DPP6: variants seen among roughly 807,000 people sequenced by gnomAD.
DPP6 encodes the protein dipeptidyl peptidase like 6.
A neutral mutation model predicts 122.6 loss-of-function variants in DPP6; 69 were observed. The ratio of observed to expected loss-of-function variants is 0.56; its 90% CI spans 0.46 to 0.69. DPP6 has a LOEUF of 0.69. Among genes scored for constraint, DPP6 ranks in the 30% least tolerant of loss-of-function variants. The pLI is 0.00. For missense variants in DPP6, 928 were observed against 1,116.9 expected (o/e 0.83, Z 2.41); for synonymous variants, 418 against 433.1 (o/e 0.97, Z 0.43).
At chr7:154,308,159 C>G (rs566811733) in intron 1 of DPP6, among the ~76,000 whole-genome samples, 2 of 151,858 alleles carry the variant, frequency 1.3e-5, no homozygotes, top group Admixed American at 6.6e-5. Flanking sequence ...AAGTGAGTTT[C>G]TTTACCAGCC....
At chr7:154,319,244 CT>C (rs11308350) in intron 1 of DPP6, among the ~76,000 whole-genome samples, 87,372 of 152,082 alleles carry the variant, frequency 0.57, 25,581 homozygotes, top group South Asian at 0.66. Context: ...TGAAATAAAA[CT>C]TTTTTTGTCT....
intron 21 of DPP6, among the ~76,000 whole-genome samples, chr7:154,882,485 G>A (rs912868564): frequency 6.6e-6 from 1 of 152,134 alleles, no homozygotes; most frequent in Admixed American, 6.5e-5. Flanking sequence ...TTAGTGGCTT[G>A]GCATGTTGCG....
At chr7:154,261,438 A>G (rs1437395734) in intron 1 of DPP6, among the ~76,000 whole-genome samples, 1 of 152,268 alleles carries the variant, frequency 6.6e-6, no homozygotes, top group African/African-American at 2.4e-5. Flanking sequence ...TAAAAATTCT[A>G]GAAGATAACA....
intron 3 of DPP6, among the ~76,000 whole-genome samples, chr7:154,515,249 G>A (rs769157276): frequency 7.9e-5 from 12 of 152,110 alleles, no homozygotes; most frequent in African/African-American, 1.7e-4. Flanking sequence ...GGACTCTGGC[G>A]TGGCACTTCA....
chr7:153,876,646 A>G, the DPP6 span, among the ~76,000 whole-genome samples: 3 of 152,062 alleles, frequency 2.0e-5, no homozygotes, highest in Non-Finnish European at 4.4e-5. Context: ...AGAACAGCAA[A>G]TAACACACAG....
intron 1 of DPP6, among the ~76,000 whole-genome samples, chr7:153,942,460 G>C (rs1273129087): frequency 6.6e-6 from 1 of 152,232 alleles, no homozygotes. Flanking sequence ...GCATTGGCTG[G>C]AATTGGATCC....
intron 1 of DPP6, among the ~76,000 whole-genome samples, chr7:154,033,446 GT>G (rs1440833776): frequency 2.0e-5 from 3 of 151,934 alleles, no homozygotes; most frequent in Non-Finnish European, 4.4e-5. Context: ...AAACTGAATC[GT>G]TTCCAAGTCC....
intron 1 of DPP6, among the ~76,000 whole-genome samples, chr7:154,071,282 G>C (rs554224582): frequency 6.6e-6 from 1 of 152,198 alleles, no homozygotes; most frequent in East Asian, 1.9e-4. Flanking sequence ...TTTATCCCTG[G>C]AATAACCTTG....
intron 10 of DPP6, among the ~76,000 whole-genome samples, chr7:154,773,527 C>G (rs1332417983): frequency 6.6e-6 from 1 of 151,350 alleles, no homozygotes; most frequent in Non-Finnish European, 1.5e-5. Flanking sequence ...TCCCCAAATT[C>G]AAGCAGCGTG....
chr7:154,786,927 C>T (rs959138017), intron 10 of DPP6, among the ~76,000 whole-genome samples: 1 of 152,228 alleles, frequency 6.6e-6, no homozygotes, highest in Non-Finnish European at 1.5e-5. Flanking sequence ...GGTTTCAGCT[C>T]TGCAAGTGTC....
intron 3 of DPP6, among the ~76,000 whole-genome samples, chr7:154,480,897 C>CT (rs1823212936): frequency 6.6e-6 from 1 of 152,184 alleles, no homozygotes; most frequent in South Asian, 2.1e-4. Flanking sequence ...TTCAAGTCAT[C>CT]TTTTATTCTA....
chr7:154,178,195 T>G (rs1797900576), intron 1 of DPP6, among the ~76,000 whole-genome samples: 1 of 152,214 alleles, frequency 6.6e-6, no homozygotes, highest in Non-Finnish European at 1.5e-5. Flanking sequence ...AAAAGGTCAC[T>G]GCTAATTTGA....
At chr7:154,883,311 C>CA (rs1391337710) in intron 21 of DPP6, among the ~76,000 whole-genome samples, 3 of 150,664 alleles carry the variant, frequency 2.0e-5, no homozygotes, top group African/African-American at 4.9e-5. Flanking sequence ...CACCCATACA[C>CA]CTGCTCACAC....
At chr7:154,854,849 C>T (rs78744427) in intron 17 of DPP6, among the ~76,000 whole-genome samples, 3 of 152,324 alleles carry the variant, frequency 2.0e-5, no homozygotes, top group African/African-American at 7.2e-5. Flanking sequence ...CGGTCCCTCC[C>T]TTTCCAGCCC....
intron 1 of DPP6, among the ~76,000 whole-genome samples, chr7:153,902,592 T>C (rs545868065): frequency 6.6e-6 from 1 of 152,260 alleles, no homozygotes; most frequent in Non-Finnish European, 1.5e-5. Context: ...CCCAGCACTT[T>C]GGGAGGCTGA....
At position 154,067,829 on chromosome 7, in the gene DPP6, C is replaced by T. The variant is rs561412729; in HGVS notation, c.243+14766C>T. On this transcript the variant is annotated intron_variant, in intron 1 of 25. Transcript: ENST00000377770. ...GTATGATCATAGCTCACTGCAACCT[C>T]GAACTCCTGGGCTCAAGCGATCTTC... Among the ~76,000 whole-genome samples the T allele has an allele frequency of 1.7e-4, 26 of 151,860 alleles. No homozygotes were observed. The South Asian group carries it at 3.9e-3, about 23-fold the overall frequency.
intron 1 of DPP6, among the ~76,000 whole-genome samples, chr7:154,425,627 T>TAAA (rs1817845942): frequency 8.7e-6 from 1 of 115,490 alleles, no homozygotes. Context: ...TGTGGGTGTG[T>TAAA]GTGTGTGTGT....
chr7:154,545,275 T>C (rs2130310271), intron 4 of DPP6, among the ~76,000 whole-genome samples: 1 of 152,324 alleles, frequency 6.6e-6, no homozygotes, highest in East Asian at 1.9e-4. Context: ...TTCTATTATG[T>C]ATCTTGTTTT....
intron 1 of DPP6, among the ~76,000 whole-genome samples, chr7:154,161,304 C>A (rs1263610604): frequency 2.6e-5 from 4 of 152,192 alleles, no homozygotes; most frequent in Non-Finnish European, 5.9e-5. Context: ...TGAGACCAGC[C>A]TGGCCAACAT....
Sources: gnomAD v4.1 joint callset for allele counts (sites outside exome capture counted in the v4.1 genomes callset) on GRCh38, gnomAD v4.1.1 for gene constraint, MANE v1.5 for transcripts, NCBI Gene and HGNC (gene_info 2026-07-23, HGNC 2026-07-21) for gene names.